Variants in MCF2L2 observed in about 807,000 individuals in gnomAD.
MCF2L2 encodes MCF.2 cell line derived transforming sequence-like 2.
Under a neutral mutation model 150.2 loss-of-function variants are expected in MCF2L2, and 102 were observed. That is an observed-to-expected ratio of 0.68 (90% CI 0.58 to 0.80). The LOEUF (loss-of-function observed/expected upper bound fraction) is 0.80. MCF2L2 is among the 30% of genes least tolerant of loss of function. MCF2L2 has a pLI of 0.00. For synonymous variants in MCF2L2, 465 were observed against 491.3 expected (o/e 0.95, Z 0.71); for missense variants, 1,256 against 1,372.8 (o/e 0.91, Z 1.34).
intron 10 of MCF2L2, among the ~76,000 whole-genome samples, chr3:183,308,330 CA>C (rs921730207): frequency 6.6e-5 from 10 of 150,980 alleles, no homozygotes; most frequent in African/African-American, 2.2e-4. Flanking sequence ...TATGAATAAG[CA>C]AAAAAATATA....
chr3:183,219,053 A>C (rs1390831), intron 21 of MCF2L2, among the ~76,000 whole-genome samples: 140,171 of 152,212 alleles, frequency 0.92, 64,907 homozygotes, highest in East Asian at 1. Context: ...CACTGCTATA[A>C]CACAGATTTC....
chr3:183,311,795 CTT>C, intron 7 of MCF2L2, 23 bp from the exon 8 acceptor site: 1 of 1,603,982 alleles, frequency 6.2e-7, no homozygotes, highest in Non-Finnish European at 8.5e-7. Flanking sequence ...AGTAGTCTCT[CTT>C]AGAACGAATT....
chr3:183,208,529 G>C (rs918952160), intron 22 of MCF2L2, among the ~76,000 whole-genome samples: 1 of 152,244 alleles, frequency 6.6e-6, no homozygotes, highest in African/African-American at 2.4e-5. Flanking sequence ...ATGTCTGGTT[G>C]AAAGTCCAAA....
intron 15 of MCF2L2, among the ~76,000 whole-genome samples, chr3:183,275,201 T>C (rs567650868): frequency 3.2e-4 from 49 of 152,366 alleles, no homozygotes; most frequent in African/African-American, 1.2e-3. Context: ...TGTGTTTTTT[T>C]ACGAGCTGTA....
Position 183,178,647 on chromosome 3 carries a change from A to G in MCF2L2, c.*733T>C, listed in dbSNP as rs1445138545. 2.0e-5 allele frequency: 3 copies of G among 152,264 alleles called. No individual in the cohort carries two copies. Among genetic ancestry groups the G allele is most frequent in the Non-Finnish European group, 4.4e-5 (3 of 68,040 alleles). 9.4% of individuals were successfully genotyped at this position (152,264 alleles called of 1,614,324 possible). A position where few individuals can be genotyped will look rare whatever the true frequency, so the allele number is the denominator to read the frequency against. On this transcript the variant is annotated 3_prime_UTR_variant, in exon 30 of 30. Transcript: ENST00000328913. Reference sequence around the variant, plus strand: ...AAAATTAAATAACCAGAAAGCTACAAAGAAATGAAAATCAACTAATAAAAC... The same window carrying G: ...AAAATTAAATAACCAGAAAGCTACAGAGAAATGAAAATCAACTAATAAAAC...
chr3:183,374,023 T>C (rs566731634), intron 3 of MCF2L2: 1 of 152,868 alleles, frequency 6.5e-6, no homozygotes, highest in South Asian at 2.1e-4. Context: ...CCAGTTCTCA[T>C]GCCATCATCC....
intron 18 of MCF2L2, 28 bp downstream of exon 18, chr3:183,228,269 T>A (rs1228264043): frequency 1.3e-6 from 2 of 1,573,098 alleles, no homozygotes; most frequent in Non-Finnish European, 1.7e-6. Flanking sequence ...GACTTTAACA[T>A]GATTATTTAC....
chr3:183,183,369 T>C (rs1236841590), intron 27 of MCF2L2, among the ~76,000 whole-genome samples: 1 of 152,374 alleles, frequency 6.6e-6, no homozygotes, highest in East Asian at 1.9e-4. Flanking sequence ...TCATGGGCTC[T>C]GAGGCCCTAA....
At chr3:183,329,541 G>A (rs2108527936) in intron 5 of MCF2L2, among the ~76,000 whole-genome samples, 1 of 152,238 alleles carries the variant, frequency 6.6e-6, no homozygotes, top group Non-Finnish European at 1.5e-5. Context: ...TTCTTTCCTG[G>A]TGAATGGTGA....
intron 5 of MCF2L2, among the ~76,000 whole-genome samples, chr3:183,325,688 G>C (rs1405574757): frequency 6.6e-6 from 1 of 152,170 alleles, no homozygotes; most frequent in Admixed American, 6.5e-5. Context: ...TTAGGCAAAA[G>C]TAACCTTGCA....
intron 15 of MCF2L2, among the ~76,000 whole-genome samples, chr3:183,255,807 T>TA (rs543086878): frequency 0.085 from 11,470 of 134,278 alleles, 891 homozygotes; most frequent in African/African-American, 0.22. Context: ...GGTGAGATTG[T>TA]AAAAAAAAAA....
intron 3 of MCF2L2, among the ~76,000 whole-genome samples, chr3:183,342,620 A>ATGTGTGTGTG (rs57683720): frequency 3.5e-5 from 5 of 142,866 alleles, no homozygotes; most frequent in Admixed American, 1.4e-4. Flanking sequence ...TGAAGATTAA[A>ATGTGTGTGTG]TGTGTGTGTG....
At chr3:183,385,007 CAT>C (rs1319290497) in intron 2 of MCF2L2, among the ~76,000 whole-genome samples, 24 of 152,244 alleles carry the variant, frequency 1.6e-4, no homozygotes, top group South Asian at 1.5e-3. Flanking sequence ...CCACTAGACA[CAT>C]GTGATTATTA....
chr3:183,215,928 G>A (rs1722893920), intron 22 of MCF2L2, 41 bp downstream of exon 22: 1 of 1,596,474 alleles, frequency 6.3e-7, no homozygotes, highest in African/African-American at 1.3e-5. Context: ...TATTGCACCT[G>A]CCTTTTGTGT....
At chr3:183,202,539 C>T (rs773273272) in intron 25 of MCF2L2, among the ~76,000 whole-genome samples, 4 of 152,214 alleles carry the variant, frequency 2.6e-5, no homozygotes, top group Non-Finnish European at 4.4e-5. Context: ...CTAGAACTGT[C>T]AAGTGCCAGG....
At chr3:183,324,473 T>A (rs1371100143) in intron 5 of MCF2L2, among the ~76,000 whole-genome samples, 1 of 152,208 alleles carries the variant, frequency 6.6e-6, no homozygotes, top group Non-Finnish European at 1.5e-5. Flanking sequence ...TGTTGATTAT[T>A]TTGAAAATTA....
intron 1 of MCF2L2, among the ~76,000 whole-genome samples, chr3:183,426,627 T>C (rs1716180016): frequency 6.6e-6 from 1 of 152,262 alleles, no homozygotes; most frequent in African/African-American, 2.4e-5. Context: ...CACAACTTCA[T>C]GCCTGTGCTG....
intron 1 of MCF2L2, among the ~76,000 whole-genome samples, chr3:183,405,472 C>G (rs373063968): frequency 2.0e-5 from 3 of 152,146 alleles, no homozygotes; most frequent in African/African-American, 7.2e-5. Context: ...CCCTGTGAGT[C>G]AAACCACTCA....
intron 21 of MCF2L2, 93 bp downstream of exon 21, chr3:183,219,763 G>T: frequency 3.7e-6 from 3 of 816,728 alleles, no homozygotes; most frequent in South Asian, 3.2e-5. Flanking sequence ...AGATAATAAA[G>T]ACCACCAAGT....
Sources: allele counts gnomAD v4.1 joint callset (sites outside exome capture counted in the v4.1 genomes callset), GRCh38; gene constraint gnomAD v4.1.1; transcripts MANE v1.5; gene names NCBI Gene and HGNC (gene_info 2026-07-23, HGNC 2026-07-21).